Variants in LRRTM2 observed in about 807,000 individuals in gnomAD.
LRRTM2 encodes the protein leucine rich repeat transmembrane neuronal 2, also known as leucine-rich repeat transmembrane neuronal protein 2.
A neutral mutation model predicts 40.7 loss-of-function variants in LRRTM2; 14 were observed. The observed-to-expected ratio is 0.34, with a 90% CI of 0.23 to 0.54. The LOEUF (loss-of-function observed/expected upper bound fraction) is 0.54, where lower values mean the gene tolerates loss of function less well. LRRTM2 is among the 20% of genes least tolerant of loss of function. LRRTM2 has a pLI of 0.92. For missense variants in LRRTM2, 468 were observed against 624.4 expected (o/e 0.75, Z 2.67); for synonymous variants, 223 against 237.6 (o/e 0.94, Z 0.57).
chr5:138,873,292 T>C lies in LRRTM2; in HGVS notation c.1269A>G (p.Val423=), dbSNP rs1750868763. 6.2e-7 allele frequency: 1 copy of C among 1,614,042 alleles called. No individual in the cohort carries two copies. The change falls in exon 2 of 2, where the codon GTA becomes GTG. Residue 423 remains valine (V), a synonymous_variant. Coordinates refer to ENST00000274711, the MANE Select transcript of LRRTM2 (RefSeq NM_015564.3). The surrounding 1 kb of genome is among the most constrained non-coding windows in gnomAD (Gnocchi z 6.1). The part of the protein sequence containing the change: ...EPDNAIFTQR[V]ITGTMALLFS... Reference sequence around the variant, plus strand: ...ACAATAAAGCCATTGTTCCCGTAATTACCCGCTGAGTGAAGATGGCATTGT... The same window carrying C: ...ACAATAAAGCCATTGTTCCCGTAATCACCCGCTGAGTGAAGATGGCATTGT...
rs1008768874 is a variant in LRRTM2 at position 138,869,032 on chromosome 5, C to T, written c.*3978G>A. ...CTGCATAATAGTATTTTCTTCCCAC[C>T]CTCAACCCATCTGCCCACCTCCCAC... On this transcript the variant is annotated 3_prime_UTR_variant, in exon 2 of 2. Transcript: ENST00000274711. 2 of 149,530 alleles carry T rather than the reference C, an allele frequency of 1.3e-5. No homozygotes were observed. Among genetic ancestry groups the T allele is most frequent in the East Asian group, 2.0e-4 (1 of 5,060 alleles). 9.3% of individuals were successfully genotyped at this position (149,530 alleles called of 1,614,324 possible).
At position 138,873,756 on chromosome 5, in the gene LRRTM2, C is replaced by G. The variant is rs776686660; in HGVS notation, c.805G>C (p.Asp269His). The G allele has an allele frequency of 1.9e-6, 3 of 1,614,042 alleles. No individual in the cohort carries two copies. Among genetic ancestry groups the G allele is most frequent in the Middle Eastern group, 3.3e-4 (2 of 6,062 alleles). ...DLTGNEIKAIDLTVFETMPNL... is the reference protein window; with the variant it reads ...DLTGNEIKAIHLTVFETMPNL... ...GGCATCGTTTCAAACACTGTCAAGT[C>G]GATGGCTTTGATTTCATTTCCAGTC... is the stretch of plus-strand genomic sequence containing the variant. The change falls in exon 2 of 2, where the codon GAC becomes CAC. Residue 269 changes from aspartate (D) to histidine (H), a missense_variant. Physicochemically the swap from Asp to His is moderately conservative, Grantham distance 81 (BLOSUM62 -1). Coordinates refer to ENST00000274711, the MANE Select transcript of LRRTM2 (RefSeq NM_015564.3). This position sits in a 1 kb window ranked among gnomAD's most constrained non-coding sequence, Gnocchi z 6.1.
Position 138,874,328 on chromosome 5 carries a change from C to T in LRRTM2, c.233G>A (p.Arg78Lys). The T allele has an allele frequency of 6.2e-7, 1 of 1,614,028 alleles. No individual in the cohort carries two copies. The highest frequency in any genetic ancestry group is 8.5e-7 in the Non-Finnish European group (1 of 1,179,898). ...LRHNHITELE[R>K]DQFASFSQLT... The stretch of plus-strand genomic sequence containing the variant: ...TTGACTGAAGCTGGCAAATTGATCT[C>T]TTTCGAGCTCTGTGATGTGATTGTG... Residue 78 changes from arginine to lysine, a missense_variant, in exon 2 of 2, where the codon AGA becomes AAA. Physicochemically the swap from Arg to Lys is conservative, Grantham distance 26 (BLOSUM62 2). Transcript: ENST00000274711. The surrounding 1 kb of genome is among the most constrained non-coding windows in gnomAD (Gnocchi z 4.1).
chr5:138,874,391 T>C lies in LRRTM2; in HGVS notation c.170A>G (p.Asn57Ser). 6.2e-7 allele frequency: 1 copy of C among 1,613,996 alleles called. No individual in the cohort carries two copies. Among genetic ancestry groups the C allele is most frequent in the Non-Finnish European group, 8.5e-7 (1 of 1,179,890 alleles). The change falls in exon 2 of 2, where the codon AAC (asparagine) becomes AGC (serine). Residue 57 changes from asparagine (N) to serine (S), a missense_variant. Physicochemically the swap from Asn to Ser is conservative, Grantham distance 46. Transcript: ENST00000274711. The surrounding 1 kb of genome is among the most constrained non-coding windows in gnomAD (Gnocchi z 4.1). ...GCCCAGAGAGCCCTTGTCTGTGGCG[T>C]TTGGCACTGAGTGGAAGCCCTGAGA... is the stretch of plus-strand genomic sequence containing the variant. ...CDSQGFHSVP[N>S]ATDKGSLGLS...
chr5:138,869,859 C>A lies in LRRTM2; in HGVS notation c.*3151G>T, dbSNP rs1765175639. The A allele has an allele frequency of 6.6e-6, 1 of 152,540 alleles. No homozygotes were observed. The highest frequency in any genetic ancestry group is 2.4e-5 in the African/African-American group (1 of 41,420). 9.4% of individuals were successfully genotyped at this position (152,540 alleles called of 1,614,324 possible). On this transcript the variant is annotated 3_prime_UTR_variant, in exon 2 of 2. Transcript: ENST00000274711. The stretch of plus-strand genomic sequence containing the variant: ...TTGGCTTAAAAAATTAGTATCTTTG[C>A]TTTTTGATGCTGGCAGTGGGTATTC...
At position 138,872,225 on chromosome 5, in the gene LRRTM2, A is replaced by G. The variant is rs1256103967; in HGVS notation, c.*785T>C. On this transcript the variant is annotated 3_prime_UTR_variant, in exon 2 of 2. Coordinates refer to ENST00000274711, the MANE Select transcript of LRRTM2 (RefSeq NM_015564.3). ...AATGACAGTTTAATGCTAGTTTAAA[A>G]CAGTTGTCTAAATGCCACAAAAATC... 1 of 152,638 alleles carries G rather than the reference A, an allele frequency of 6.6e-6. No individual in the cohort carries two copies. Among genetic ancestry groups the G allele is most frequent in the East Asian group, 1.9e-4 (1 of 5,204 alleles). 9.5% of individuals were successfully genotyped at this position (152,638 alleles called of 1,614,324 possible). A position where few individuals can be genotyped will look rare whatever the true frequency, so the allele number is the denominator to read the frequency against.
chr5:138,873,410 C>T lies in LRRTM2; in HGVS notation c.1151G>A (p.Arg384Lys). ...CACATGGTAACTTGATGAGCTTATT[C>T]TTTTTGTATATTCAGTGGTTGGATC... ...YRDPTTEYTKRISSSSYHVGD... is the reference protein window; with the variant it reads ...YRDPTTEYTKKISSSSYHVGD... The change falls in exon 2 of 2, where the codon AGA becomes AAA. Residue 384 changes from arginine (R) to lysine (K), a missense_variant. Coordinates refer to ENST00000274711, the MANE Select transcript of LRRTM2 (RefSeq NM_015564.3). This position sits in a 1 kb window ranked among gnomAD's most constrained non-coding sequence, Gnocchi z 6.1. 2 of 1,613,940 alleles carry T rather than the reference C, an allele frequency of 1.2e-6. No individual in the cohort carries two copies. Among genetic ancestry groups the T allele is most frequent in the South Asian group, 1.1e-5 (1 of 91,070 alleles).
rs1057304596 is a variant in LRRTM2, at chr5:138,869,184, A to AC, written c.*3825_*3826insG. On this transcript the variant is annotated 3_prime_UTR_variant, in exon 2 of 2. Coordinates refer to ENST00000274711, the MANE Select transcript of LRRTM2 (RefSeq NM_015564.3). ...CCATATATCAGACTTAAAAAAAAAA[A>AC]AAAAAACCGCTAAGGACAAAAATGT... 2 of 151,892 alleles carry AC rather than the reference A, an allele frequency of 1.3e-5. No homozygotes were observed. Among genetic ancestry groups the AC allele is most frequent in the African/African-American group, 4.8e-5 (2 of 41,382 alleles). The allele number at this position is 151,892 out of a possible 1,614,324, so 9.4% of individuals were successfully genotyped here.
rs890699011 is a variant in LRRTM2 at position 138,872,419 on chromosome 5, T to C, written c.*591A>G. Reference sequence around the variant, plus strand: ...ATTAAAGGGTTCTGAATTCATGATATGGACTTTGATAATATCTACTAACCC... The same window carrying C: ...ATTAAAGGGTTCTGAATTCATGATACGGACTTTGATAATATCTACTAACCC... On this transcript the variant is annotated 3_prime_UTR_variant, in exon 2 of 2. Coordinates refer to ENST00000274711, the MANE Select transcript of LRRTM2 (RefSeq NM_015564.3). The C allele has an allele frequency of 1.7e-4, 26 of 152,564 alleles. No homozygotes were observed. The highest frequency in any genetic ancestry group is 6.3e-4 in the African/African-American group (26 of 41,458). The allele number at this position is 152,564 out of a possible 1,614,324, so 9.5% of individuals were successfully genotyped here. A position where few individuals can be genotyped will look rare whatever the true frequency, so the allele number is the denominator to read the frequency against.
In LRRTM2 at chr5:138,870,487, G is replaced by A. The variant is rs934935805; in HGVS notation, c.*2523C>T. 6.6e-6 allele frequency: 1 copy of A among 152,186 alleles called. No homozygotes were observed. The highest frequency in any genetic ancestry group is 6.5e-5 in the Admixed American group (1 of 15,278). 9.4% of individuals were successfully genotyped at this position (152,186 alleles called of 1,614,324 possible). ...ATGCCTCGCTAGCCTTGGCTATGCT[G>A]TTCCTCTGAATTAGTAAATGGCTGG... On this transcript the variant is annotated 3_prime_UTR_variant, in exon 2 of 2. Coordinates refer to ENST00000274711, the MANE Select transcript of LRRTM2 (RefSeq NM_015564.3).
chr5:138,873,527 G>T lies in LRRTM2; in HGVS notation c.1034C>A (p.Thr345Asn). The part of the protein sequence containing the change: ...HSILCHSPDH[T>N]QGEDILDAVH... ...TGCATCTAGAATATCCTCTCCTTGGGTGTGGTCAGGACTGTGGCATAGGAT... is the reference window on the plus strand; with the variant it reads ...TGCATCTAGAATATCCTCTCCTTGGTTGTGGTCAGGACTGTGGCATAGGAT... Residue 345 changes from threonine to asparagine, a missense_variant, in exon 2 of 2, where the codon ACC becomes AAC. Physicochemically the swap from Thr to Asn is moderately conservative, Grantham distance 65 (BLOSUM62 0). Coordinates refer to ENST00000274711, the MANE Select transcript of LRRTM2 (RefSeq NM_015564.3). This position sits in a 1 kb window ranked among gnomAD's most constrained non-coding sequence, Gnocchi z 6.1. 1 of 1,614,002 alleles carries T rather than the reference G, an allele frequency of 6.2e-7. No individual in the cohort carries two copies. Among genetic ancestry groups the T allele is most frequent in the Non-Finnish European group, 8.5e-7 (1 of 1,179,898 alleles).
rs1750535252 is a variant in LRRTM2, at chr5:138,871,002, A to AAG, written c.*2006_*2007dup. 1 of 152,208 alleles carries AAG rather than the reference A, an allele frequency of 6.6e-6. No homozygotes were observed. Among genetic ancestry groups the AAG allele is most frequent in the Non-Finnish European group, 1.5e-5 (1 of 68,038 alleles). The allele number at this position is 152,208 out of a possible 1,614,324, so 9.4% of individuals were successfully genotyped here. A position where few individuals can be genotyped will look rare whatever the true frequency, so the allele number is the denominator to read the frequency against. On this transcript the variant is annotated 3_prime_UTR_variant, in exon 2 of 2. Coordinates refer to ENST00000274711, the MANE Select transcript of LRRTM2 (RefSeq NM_015564.3). ...ACAAACTAATCTGCCCACCTTAAAAAAGAGCACATTTTTACTGTAATTTGT... is the reference window on the plus strand; with the variant it reads ...ACAAACTAATCTGCCCACCTTAAAAAAGAGAGCACATTTTTACTGTAATTTGT...
rs2149938717 is a variant in LRRTM2 at position 138,874,839 on chromosome 5, A to G, written c.4+69T>C. ...TGGTGATTTCCCTCATAAAATGTGA[A>G]TTCGGTAGCTTATTTTAAAAGCGTG... On this transcript the variant is annotated intron_variant, in intron 1 of 1. Coordinates refer to ENST00000274711, the MANE Select transcript of LRRTM2 (RefSeq NM_015564.3). The surrounding 1 kb of genome is among the most constrained non-coding windows in gnomAD (Gnocchi z 4.1). 15 of 1,449,524 alleles carry G rather than the reference A, an allele frequency of 1.0e-5. No individual in the cohort carries two copies. The highest frequency in any genetic ancestry group is 1.4e-5 in the Non-Finnish European group (15 of 1,041,030). The allele number at this position is 1,449,524 out of a possible 1,614,324, so 89.8% of individuals were successfully genotyped here. A position where few individuals can be genotyped will look rare whatever the true frequency, so the allele number is the denominator to read the frequency against.
Position 138,873,568 on chromosome 5 carries a change from A to C in LRRTM2, c.993T>G (p.Gly331=). The C allele has an allele frequency of 6.2e-7, 1 of 1,613,902 alleles. No individual in the cohort carries two copies. The change falls in exon 2 of 2, where the codon GGT becomes GGG. Residue 331 remains glycine, a synonymous_variant. Coordinates refer to ENST00000274711, the MANE Select transcript of LRRTM2 (RefSeq NM_015564.3). This position sits in a 1 kb window ranked among gnomAD's most constrained non-coding sequence, Gnocchi z 6.1. The part of the protein sequence containing the change: ...ALASWLGSFQ[G]RWEHSILCHS... ...GGCATAGGATGGAGTGTTCCCACCGACCTTGGAAACTGCCCAGCCAGGAGG... is the reference window on the plus strand; with the variant it reads ...GGCATAGGATGGAGTGTTCCCACCGCCCTTGGAAACTGCCCAGCCAGGAGG...
rs369906942 is a variant in LRRTM2 at position 138,869,976 on chromosome 5, C to G, written c.*3034G>C. ...GTCATGCTACAGAAATGAATATAAACGATTTCAAACTAGTTCTTGGTTTCT... is the reference window on the plus strand; with the variant it reads ...GTCATGCTACAGAAATGAATATAAAGGATTTCAAACTAGTTCTTGGTTTCT... On this transcript the variant is annotated 3_prime_UTR_variant, in exon 2 of 2. Coordinates refer to ENST00000274711, the MANE Select transcript of LRRTM2 (RefSeq NM_015564.3). 3 of 152,656 alleles carry G rather than the reference C, an allele frequency of 2.0e-5. No homozygotes were observed. The East Asian group carries it at 5.8e-4, about 29-fold the overall frequency. 9.5% of individuals were successfully genotyped at this position (152,656 alleles called of 1,614,324 possible).
In LRRTM2 at chr5:138,870,051, A is replaced by T. The variant is rs1765195439; in HGVS notation, c.*2959T>A. 1 of 152,282 alleles carries T rather than the reference A, an allele frequency of 6.6e-6. No homozygotes were observed. Among genetic ancestry groups the T allele is most frequent in the African/African-American group, 2.4e-5 (1 of 41,428 alleles). 9.4% of individuals were successfully genotyped at this position (152,282 alleles called of 1,614,324 possible). On this transcript the variant is annotated 3_prime_UTR_variant, in exon 2 of 2. Coordinates refer to ENST00000274711, the MANE Select transcript of LRRTM2 (RefSeq NM_015564.3). ...CTTTAGCTTTCCTTTTTCCAGAGAG[A>T]TTAATTATTTTTCTGGTTCTTAATG...
Position 138,874,326 on chromosome 5 carries a change from C to T in LRRTM2, c.235G>A (p.Asp79Asn), listed in dbSNP as rs774889271. Residue 79 changes from aspartate (D) to asparagine (N), a missense_variant, in exon 2 of 2, where the codon GAT (aspartate) becomes AAT (asparagine). Asp to Asn is a conservative substitution (Grantham distance 23, BLOSUM62 1). Transcript: ENST00000274711. The surrounding 1 kb of genome is among the most constrained non-coding windows in gnomAD (Gnocchi z 4.1). Reference sequence around the variant, plus strand: ...AGTTGACTGAAGCTGGCAAATTGATCTCTTTCGAGCTCTGTGATGTGATTG... The same window carrying T: ...AGTTGACTGAAGCTGGCAAATTGATTTCTTTCGAGCTCTGTGATGTGATTG... Reference protein sequence around the residue: ...RHNHITELERDQFASFSQLTW... With the variant: ...RHNHITELERNQFASFSQLTW... 3 of 1,614,012 alleles carry T rather than the reference C, an allele frequency of 1.9e-6. No individual in the cohort carries two copies. Among genetic ancestry groups the T allele is most frequent in the African/African-American group, 1.3e-5 (1 of 75,038 alleles).
Position 138,874,092 on chromosome 5 carries a change from G to T in LRRTM2, c.469C>A (p.Arg157=). The change falls in exon 2 of 2, where the codon CGG becomes AGG. Residue 157 remains arginine, a synonymous_variant. Coordinates refer to ENST00000274711, the MANE Select transcript of LRRTM2 (RefSeq NM_015564.3). The surrounding 1 kb of genome is among the most constrained non-coding windows in gnomAD (Gnocchi z 4.1). ...SLHPELFYGL[R]KLQTLHLRSN... is the part of the protein sequence containing the mutation. ...CGTAAATGCAAGGTCTGCAGCTTCC[G>T]AAGGCCATAGAAGAGCTCTGGGTGC... The T allele has an allele frequency of 6.2e-7, 1 of 1,613,730 alleles. No individual in the cohort carries two copies.
rs1461661758 is a variant in LRRTM2, at chr5:138,873,316, G to T, written c.1245C>A (p.Asp415Glu). Residue 415 changes from aspartate to glutamate, a missense_variant, in exon 2 of 2, where the codon GAC (aspartate) becomes GAA (glutamate). Asp to Glu is a conservative substitution (Grantham distance 45, BLOSUM62 2). Coordinates refer to ENST00000274711, the MANE Select transcript of LRRTM2 (RefSeq NM_015564.3). This position sits in a 1 kb window ranked among gnomAD's most constrained non-coding sequence, Gnocchi z 6.1. ...TTACCCGCTGAGTGAAGATGGCATTGTCTGGTTCAGGAAAGTGTTCCTCGG... is the reference window on the plus strand; with the variant it reads ...TTACCCGCTGAGTGAAGATGGCATTTTCTGGTTCAGGAAAGTGTTCCTCGG... ...VTTEEHFPEPDNAIFTQRVIT... is the reference protein window; with the variant it reads ...VTTEEHFPEPENAIFTQRVIT... 6.2e-7 allele frequency: 1 copy of T among 1,614,068 alleles called. No homozygotes were observed. The highest frequency in any genetic ancestry group is 1.1e-5 in the South Asian group (1 of 91,078).
Sources: allele counts gnomAD v4.1 joint callset, GRCh38; gene constraint gnomAD v4.1.1; non-coding constraint Gnocchi (gnomAD v3.1); transcripts MANE v1.5; gene names NCBI Gene and HGNC (gene_info 2026-07-23, HGNC 2026-07-21).